Variants in PRKG2 observed in about 807,000 individuals in gnomAD.
The protein encoded by PRKG2 is cGMP-dependent protein kinase 2.
Under a neutral mutation model 97.2 loss-of-function variants are expected in PRKG2, and 33 were observed. The observed-to-expected ratio is 0.34, with a 90% CI of 0.26 to 0.45. The LOEUF is 0.45. Among genes scored for constraint, PRKG2 ranks in the 20% least tolerant of loss-of-function variants. The probability of loss-of-function intolerance (pLI) is 1.00; values close to 1 mark genes in which losing one functional copy is unlikely to be tolerated. For missense variants in PRKG2, 638 were observed against 900.0 expected, an observed-to-expected ratio of 0.71 and a Z score of 3.73; for synonymous variants, 330 against 321.8, an observed-to-expected ratio of 1.03 and a Z score of -0.27.
At chr4:81,208,202 T>C (rs1753781507) in intron 1 of PRKG2, among the ~76,000 whole-genome samples, 1 of 152,182 alleles carries the variant, frequency 6.6e-6, no homozygotes, top group Non-Finnish European at 1.5e-5. Context: ...AAAGGGAATA[T>C]ATTTATATCC....
intron 14 of PRKG2, among the ~76,000 whole-genome samples, chr4:81,117,176 A>C (rs1047502693): frequency 3.3e-5 from 5 of 151,700 alleles, no homozygotes; most frequent in Admixed American, 3.3e-4. Context: ...TATTTTTTGT[A>C]GAGACGGGGT....
chr4:81,130,210 T>C (rs1366749641), intron 14 of PRKG2, among the ~76,000 whole-genome samples: 1 of 152,208 alleles, frequency 6.6e-6, no homozygotes, highest in Non-Finnish European at 1.5e-5. Context: ...TTGATGTTGA[T>C]GCTATTCCTT....
intron 1 of PRKG2, among the ~76,000 whole-genome samples, chr4:81,207,302 T>C (rs1162842004): frequency 6.6e-6 from 1 of 152,182 alleles, no homozygotes; most frequent in Non-Finnish European, 1.5e-5. Context: ...TGGAGAAGTA[T>C]TCTTAGGTCA....
intron 6 of PRKG2, among the ~76,000 whole-genome samples, chr4:81,157,089 C>G (rs1229522222): frequency 6.6e-6 from 1 of 151,998 alleles, no homozygotes; most frequent in Non-Finnish European, 1.5e-5. Flanking sequence ...CAGAGCAGAA[C>G]TGAAGGAAAT....
rs1753533983 is a variant in PRKG2 at position 81,204,664 on chromosome 4, C to T, written c.384G>A (p.Glu128=). 6 of 1,614,196 alleles carry T rather than the reference C, an allele frequency of 3.7e-6. No individual in the cohort carries two copies. Among genetic ancestry groups the T allele is most frequent in the Non-Finnish European group, 5.1e-6 (6 of 1,180,044 alleles). The change falls in exon 2 of 19, where the codon GAG becomes GAA. Residue 128 remains glutamate, a synonymous_variant. Transcript: ENST00000264399. The part of the protein sequence containing the change: ...RRGAKAGVSA[E]PTTRTYDLNK... ...TCAGGTCATAGGTCCGGGTTGTTGG[C>T]TCAGCAGACACGCCAGCCTTTGCTC...
chr4:81,157,095 GAAATAGAGAT>G (rs1202924345), intron 6 of PRKG2, among the ~76,000 whole-genome samples: 3 of 152,242 alleles, frequency 2.0e-5, no homozygotes, highest in Non-Finnish European at 4.4e-5. Context: ...AGAACTGAAG[GAAATAGAGAT>G]ACAAAAAACC....
intron 6 of PRKG2, among the ~76,000 whole-genome samples, chr4:81,158,518 C>T (rs1286031023): frequency 1.3e-5 from 2 of 151,590 alleles, no homozygotes; most frequent in Admixed American, 6.6e-5. Context: ...AATGGCCATA[C>T]TGCCCAAGGT....
chr4:81,171,615 G>A (rs1750484789), intron 4 of PRKG2, 76 bp downstream of exon 4: 1 of 1,098,496 alleles, frequency 9.1e-7, no homozygotes. Context: ...GTGGATCAGG[G>A]TGCAAATGTG....
At chr4:81,127,277 G>A (rs964888068) in intron 14 of PRKG2, among the ~76,000 whole-genome samples, 1 of 152,190 alleles carries the variant, frequency 6.6e-6, no homozygotes, top group African/African-American at 2.4e-5. Context: ...CAGTCTTGCA[G>A]AATAGTTTGA....
Position 81,190,340 on chromosome 4 carries a change from G to T in PRKG2, c.461+14247C>A, listed in dbSNP as rs115320141. On this transcript the variant is annotated intron_variant, in intron 2 of 18. Coordinates refer to ENST00000264399, the MANE Select transcript of PRKG2 (RefSeq NM_006259.3). ...ATCTTTGACACAAACAAGCAATCAA[G>T]AAAGGATTCCCTACTTAATAAATGG... 7.7e-3 allele frequency among the ~76,000 whole-genome samples: 1,170 copies of T among 152,234 alleles called. 13 individuals carry two copies. Among genetic ancestry groups the T allele is most frequent in the African/African-American group, 0.026 (1,098 of 41,546 alleles).
At chr4:81,196,373 G>C (rs1752961206) in intron 2 of PRKG2, among the ~76,000 whole-genome samples, 1 of 152,166 alleles carries the variant, frequency 6.6e-6, no homozygotes, top group Non-Finnish European at 1.5e-5. Context: ...TAGCAAATAT[G>C]TGTTGTTTAA....
At position 81,195,415 on chromosome 4, in the gene PRKG2, T is replaced by C. The variant is rs549677567; in HGVS notation, c.461+9172A>G. On this transcript the variant is annotated intron_variant, in intron 2 of 18. Coordinates refer to ENST00000264399, the MANE Select transcript of PRKG2 (RefSeq NM_006259.3). ...TAAAATATACATAACATAAAATGTA[T>C]CATTTTAACCATTTATAAGTGAACA... Among the ~76,000 whole-genome samples, 3 of 152,252 alleles carry C rather than the reference T, an allele frequency of 2.0e-5. No homozygotes were observed. The South Asian group carries it at 6.2e-4, about 32-fold the overall frequency.
intron 3 of PRKG2, 106 bp downstream of exon 3, chr4:81,174,687 G>T: frequency 8.4e-7 from 1 of 1,184,784 alleles, no homozygotes; most frequent in Non-Finnish European, 1.2e-6. Context: ...AATATGTTAT[G>T]TTTTCTACAA....
intron 17 of PRKG2, among the ~76,000 whole-genome samples, chr4:81,104,059 C>CA (rs1031715644): frequency 6.6e-6 from 1 of 151,764 alleles, no homozygotes; most frequent in East Asian, 1.9e-4. Context: ...AACAAACAAA[C>CA]AAAAAAACCT....
chr4:81,118,843 G>A (rs968340608), intron 14 of PRKG2, among the ~76,000 whole-genome samples: 20 of 152,274 alleles, frequency 1.3e-4, no homozygotes, highest in Admixed American at 1.2e-3. Flanking sequence ...CACCCAGGCT[G>A]GAGTGCAGTG....
At chr4:81,207,379 A>G (rs1753738091) in intron 1 of PRKG2, among the ~76,000 whole-genome samples, 1 of 152,238 alleles carries the variant, frequency 6.6e-6, no homozygotes. Context: ...AAAAGCACGC[A>G]TAAAAACTTT....
intron 2 of PRKG2, among the ~76,000 whole-genome samples, chr4:81,197,822 G>C (rs1369003729): frequency 6.6e-6 from 1 of 152,006 alleles, no homozygotes. Context: ...TAAGGAAAAG[G>C]GAAGCAAACG....
chr4:81,137,486 T>G lies in PRKG2; in HGVS notation c.1545-4A>C, dbSNP rs1177655163. ...GTCCTTGAAAGTACGATATAATCTG[T>G]GAAGACAGATAAAAACATGGTTATT... On this transcript the variant is annotated splice_region_variant and splice_polypyrimidine_tract_variant and intron_variant, in intron 12 of 18. Transcript: ENST00000264399. The G allele has an allele frequency of 6.3e-7, 1 of 1,597,394 alleles. No homozygotes were observed.
chr4:81,102,327 T>G (rs1742883686), intron 17 of PRKG2, among the ~76,000 whole-genome samples: 1 of 152,148 alleles, frequency 6.6e-6, no homozygotes, highest in Non-Finnish European at 1.5e-5. Flanking sequence ...AACAGATATA[T>G]CACTTCTATT....
Sources: gnomAD v4.1 joint callset for allele counts (sites outside exome capture counted in the v4.1 genomes callset) on GRCh38, gnomAD v4.1.1 for gene constraint, MANE v1.5 for transcripts, NCBI Gene and HGNC (gene_info 2026-07-23, HGNC 2026-07-21) for gene names.